The following CALN1 variants were observed in gnomAD, a reference collection of about 807,000 sequenced individuals.
The protein encoded by CALN1 is calneuron 1.
A neutral mutation model predicts 30.6 loss-of-function variants in CALN1; 17 were observed. The ratio of observed to expected loss-of-function variants is 0.56; its 90% CI spans 0.38 to 0.83. The LOEUF (loss-of-function observed/expected upper bound fraction) is 0.83. Ranked by LOEUF, CALN1 falls within the 40% of genes least tolerant of loss-of-function variation. The pLI, the probability that CALN1 is intolerant of heterozygous loss-of-function variation, is 0.00. For synonymous variants in CALN1, 156 were observed against 131.4 expected (o/e 1.19, Z -1.28); for missense variants, 291 against 354.9 (o/e 0.82, Z 1.45).
chr7:71,953,063 C>A (rs1304175397), intron 5 of CALN1, among the ~76,000 whole-genome samples: 2 of 152,126 alleles, frequency 1.3e-5, no homozygotes, highest in East Asian at 1.9e-4. Flanking sequence ...CTCAAGCAAT[C>A]CTCCTTCCTC....
chr7:71,928,994 T>C (rs1027527250), intron 5 of CALN1, among the ~76,000 whole-genome samples: 1 of 152,190 alleles, frequency 6.6e-6, no homozygotes, highest in African/African-American at 2.4e-5. Flanking sequence ...TTCAATGGAT[T>C]CACCGATTTT....
chr7:72,353,041 G>A (rs1253237963), intron 2 of CALN1, among the ~76,000 whole-genome samples: 18 of 152,018 alleles, frequency 1.2e-4, no homozygotes, highest in Non-Finnish European at 2.4e-4. Context: ...TAGACCCATG[G>A]AGATATAAAA....
intron 3 of CALN1, among the ~76,000 whole-genome samples, chr7:72,265,049 T>G: frequency 6.6e-6 from 1 of 152,342 alleles, no homozygotes; most frequent in East Asian, 1.9e-4. Context: ...CTCGAACTTC[T>G]GGCCTCCAGT....
At chr7:72,275,961 G>C (rs766733129) in intron 3 of CALN1, among the ~76,000 whole-genome samples, 1 of 152,070 alleles carries the variant, frequency 6.6e-6, no homozygotes, top group Non-Finnish European at 1.5e-5. Flanking sequence ...AGCAGAGCTT[G>C]AATTTAACAG....
chr7:72,412,135 A>G lies in CALN1; in HGVS notation c.-151T>C, dbSNP rs1424365560. On this transcript the variant is annotated 5_prime_UTR_variant, in exon 1 of 7. Coordinates refer to ENST00000395275, the MANE Select transcript of CALN1 (RefSeq NM_031468.4). ...GAATAAAACCACGGACCTCGCGGTG[A>G]GTGTTACAGCTCTTAAAGATGGCGC... 1 of 152,552 alleles carries G rather than the reference A, an allele frequency of 6.6e-6. No homozygotes were observed. The highest frequency in any genetic ancestry group is 1.5e-5 in the Non-Finnish European group (1 of 68,206). The allele number at this position is 152,552 out of a possible 1,614,324, so 9.4% of individuals were successfully genotyped here.
chr7:72,398,247 G>A (rs1476110321), intron 2 of CALN1, among the ~76,000 whole-genome samples: 1 of 152,202 alleles, frequency 6.6e-6, no homozygotes, highest in Non-Finnish European at 1.5e-5. Flanking sequence ...TCCGTCACAA[G>A]GAAGTTTACA....
In CALN1 at chr7:72,146,435, G is replaced by C. The variant is rs542076684; in HGVS notation, c.245-40141C>G. On this transcript the variant is annotated intron_variant, in intron 3 of 6. Transcript: ENST00000395275. The stretch of plus-strand genomic sequence containing the variant: ...AGGGATGTGAAGACCTCTTCAAGGA[G>C]AACTACAAACCACTACTCAACGAAA... Among the ~76,000 whole-genome samples, 18 of 152,236 alleles carry C rather than the reference G, an allele frequency of 1.2e-4. No individual in the cohort carries two copies. The East Asian group carries it at 3.1e-3, about 26-fold the overall frequency.
chr7:72,403,928 C>T (rs1235820874), intron 1 of CALN1, among the ~76,000 whole-genome samples: 1 of 152,156 alleles, frequency 6.6e-6, no homozygotes, highest in African/African-American at 2.4e-5. Context: ...GTCATGCTGT[C>T]GCAATCCCAG....
upstream of CALN1, among the ~76,000 whole-genome samples, chr7:72,449,660 C>T (rs1808619688): frequency 6.6e-6 from 1 of 151,910 alleles, no homozygotes; most frequent in Non-Finnish European, 1.5e-5. Flanking sequence ...ATCACGAGGT[C>T]AGGAGATCGA....
intron 3 of CALN1, among the ~76,000 whole-genome samples, chr7:72,116,711 C>A (rs999432131): frequency 7.2e-5 from 11 of 152,126 alleles, no homozygotes; most frequent in African/African-American, 2.7e-4. Flanking sequence ...AACAGGACTC[C>A]TGTAAATCAG....
At chr7:72,192,118 G>A (rs1383305725) in intron 3 of CALN1, among the ~76,000 whole-genome samples, 1 of 152,120 alleles carries the variant, frequency 6.6e-6, no homozygotes, top group Non-Finnish European at 1.5e-5. Context: ...GACCTCTGCA[G>A]AAGGTCGGAC....
chr7:72,192,691 T>G (rs1585131426), intron 3 of CALN1, among the ~76,000 whole-genome samples: 2 of 150,320 alleles, frequency 1.3e-5, no homozygotes, highest in South Asian at 2.1e-4. Flanking sequence ...AGTTTTAGGG[T>G]ACATGTGCAC....
At chr7:72,460,939 A>G in the CALN1 span, among the ~76,000 whole-genome samples, 2 of 152,058 alleles carry the variant, frequency 1.3e-5, no homozygotes, top group Non-Finnish European at 2.9e-5. Flanking sequence ...ATGGCTCTGA[A>G]ATTCAAGGTT....
intron 1 of CALN1, among the ~76,000 whole-genome samples, chr7:72,437,101 T>C (rs2129564234): frequency 6.6e-6 from 1 of 151,258 alleles, no homozygotes; most frequent in African/African-American, 2.4e-5. Context: ...CTCTAGATGA[T>C]TTTGGTGCTT....
At chr7:72,237,034 G>C (rs545625021) in intron 3 of CALN1, among the ~76,000 whole-genome samples, 1 of 146,506 alleles carries the variant, frequency 6.8e-6, no homozygotes, top group Non-Finnish European at 1.5e-5. Flanking sequence ...GCCCAAGTTG[G>C]AATGCAATGG....
chr7:72,178,082 C>A (rs1789492130), intron 3 of CALN1, among the ~76,000 whole-genome samples: 1 of 152,150 alleles, frequency 6.6e-6, no homozygotes, highest in African/African-American at 2.4e-5. Flanking sequence ...GGTGTGTTTG[C>A]ATTCAACTCA....
At chr7:72,058,386 C>T (rs1030667947) in intron 4 of CALN1, among the ~76,000 whole-genome samples, 2 of 137,592 alleles carry the variant, frequency 1.5e-5, no homozygotes, top group South Asian at 2.4e-4. Flanking sequence ...GGCGCCATCT[C>T]GGCTCACTGC....
intron 4 of CALN1, among the ~76,000 whole-genome samples, chr7:72,081,406 G>GGTGTGTGTGTGTGTGTGTGTGT (rs1554434301): frequency 1.1e-4 from 4 of 35,414 alleles, no homozygotes; most frequent in African/African-American, 2.2e-4. Flanking sequence ...AAAATCATAG[G>GGTGTGTGTGTGTGTGTGTGTGT]GTGTGTGTGT....
At chr7:71,972,682 ACT>A (rs931558271) in intron 5 of CALN1, among the ~76,000 whole-genome samples, 1 of 151,992 alleles carries the variant, frequency 6.6e-6, no homozygotes, top group Admixed American at 6.6e-5. Context: ...TTAATGAGCC[ACT>A]CTCTGTTGAT....
Sources: allele counts gnomAD v4.1 joint callset (sites outside exome capture counted in the v4.1 genomes callset), GRCh38; gene constraint gnomAD v4.1.1; transcripts MANE v1.5; gene names NCBI Gene and HGNC (gene_info 2026-07-23, HGNC 2026-07-21).